QSOX2: variants seen among roughly 807,000 people sequenced by gnomAD.
QSOX2 encodes the protein quiescin sulfhydryl oxidase 2.
QSOX2 carries 46 observed loss-of-function variants against 61.7 expected under a neutral mutation model. That is an observed-to-expected ratio of 0.75 (90% CI 0.59 to 0.95). The LOEUF (loss-of-function observed/expected upper bound fraction) is 0.95. Among genes scored for constraint, QSOX2 ranks in the 40% least tolerant of loss-of-function variants. The pLI, the probability that QSOX2 is intolerant of heterozygous loss-of-function variation, is 0.00. For synonymous variants in QSOX2, 383 were observed against 388.4 expected (o/e 0.99, Z 0.16); for missense variants, 879 against 918.9 (o/e 0.96, Z 0.56).
rs1216822221 is a variant in QSOX2, at chr9:136,209,134, C to A, written c.1691G>T (p.Arg564Leu). The A allele has an allele frequency of 6.8e-6, 11 of 1,614,166 alleles. 1 individual carries two copies. The highest frequency in any genetic ancestry group is 3.3e-5 in the Admixed American group (2 of 60,028). The change falls in exon 12 of 12, where the codon CGC becomes CTC. Residue 564 changes from arginine (R) to leucine (L), a missense_variant. Physicochemically the swap from Arg to Leu is moderately radical, Grantham distance 102. Coordinates refer to ENST00000358701, the MANE Select transcript of QSOX2 (RefSeq NM_181701.4). The surrounding 1 kb of genome is among the most constrained non-coding windows in gnomAD (Gnocchi z 5.6). ...VLTFLKQHYGRDNLLDTYSAD... is the reference protein window; with the variant it reads ...VLTFLKQHYGLDNLLDTYSAD... The stretch of plus-strand genomic sequence containing the variant: ...GGAATACGTGTCTAAGAGGTTGTCG[C>A]GGCCATAGTGCTGCTTCAAGAATGT...
chr9:136,222,192 C>T lies in QSOX2; in HGVS notation c.676-251G>A, dbSNP rs997236323. ...ACTCATCAAAGAAAACACTTATCCG[C>T]GAATTTGCACTTGACTTTCTAAAAC... On this transcript the variant is annotated intron_variant, in intron 5 of 11. Coordinates refer to ENST00000358701, the MANE Select transcript of QSOX2 (RefSeq NM_181701.4). The surrounding 1 kb of genome is among the most constrained non-coding windows in gnomAD (Gnocchi z 6.9). Among the ~76,000 whole-genome samples the T allele has an allele frequency of 2.2e-4, 33 of 152,324 alleles. 1 individual carries two copies. Among genetic ancestry groups the T allele is most frequent in the Admixed American group, 1.8e-3 (27 of 15,290 alleles).
rs184355647 is a variant in QSOX2 at position 136,227,391 on chromosome 9, G to C, written c.329-517C>G. Among the ~76,000 whole-genome samples, 231 of 152,314 alleles carry C rather than the reference G, an allele frequency of 1.5e-3. 2 individuals carry two copies. Among genetic ancestry groups the C allele is most frequent in the African/African-American group, 5.3e-3 (219 of 41,576 alleles). ...TGAAGTGGTTTCCAACACCATCCCA[G>C]ACACTGCCCGCAAACCCTGGAACAC... is the stretch of plus-strand genomic sequence containing the variant. On this transcript the variant is annotated intron_variant, in intron 1 of 11. Coordinates refer to ENST00000358701, the MANE Select transcript of QSOX2 (RefSeq NM_181701.4).
chr9:136,245,203 T>C (rs1435372571), intron 1 of QSOX2, among the ~76,000 whole-genome samples: 3 of 151,950 alleles, frequency 2.0e-5, no homozygotes, highest in African/African-American at 7.3e-5. Flanking sequence ...TGCGGGAGAA[T>C]GGTTTCATTT....
chr9:136,223,846 C>T lies in QSOX2; in HGVS notation c.592G>A (p.Asp198Asn). 1 of 1,614,046 alleles carries T rather than the reference C, an allele frequency of 6.2e-7. No individual in the cohort carries two copies. Residue 198 changes from aspartate to asparagine, a missense_variant, in exon 5 of 12, where the codon GAT becomes AAT. By Grantham distance (23) the Asp-to-Asn change is conservative (BLOSUM62 1). Coordinates refer to ENST00000358701, the MANE Select transcript of QSOX2 (RefSeq NM_181701.4). This position sits in a 1 kb window ranked among gnomAD's most constrained non-coding sequence, Gnocchi z 4.4. ...CGGTTGTCAAGAAGGGAAAGAACAT[C>T]ACTGGGCCTTTCAAGAGGAAAAAAA... ...CPRLDPIQPSDVLSLLDNRGS... is the reference protein window; with the variant it reads ...CPRLDPIQPSNVLSLLDNRGS...
At position 136,208,291 on chromosome 9, in the gene QSOX2, T is replaced by TGGAGGGTACAGGGAGGGCCAAGGTGGG. The variant is rs71384066; in HGVS notation, c.*436_*437insCCCACCTTGGCCCTCCCTGTACCCTCC. The TGGAGGGTACAGGGAGGGCCAAGGTGGG allele has an allele frequency of 1.5e-5, 1 of 67,840 alleles. No homozygotes were observed. Among genetic ancestry groups the TGGAGGGTACAGGGAGGGCCAAGGTGGG allele is most frequent in the Non-Finnish European group, 2.8e-5 (1 of 35,766 alleles). The allele number at this position is 67,840 out of a possible 1,614,324, so 4.2% of individuals were successfully genotyped here. ...GCGGGGGGAGGGGGAGCGAGGGGAG[T>TGGAGGGTACAGGGAGGGCCAAGGTGGG]GGGGGGGAGCCAGGAGCCGCGGGGG... is the stretch of plus-strand genomic sequence containing the variant. On this transcript the variant is annotated 3_prime_UTR_variant, in exon 12 of 12. Transcript: ENST00000358701.
At chr9:136,232,529 T>C (rs1830340666) in intron 1 of QSOX2, among the ~76,000 whole-genome samples, 1 of 152,128 alleles carries the variant, frequency 6.6e-6, no homozygotes, top group Admixed American at 6.5e-5. Context: ...TACCACAAAA[T>C]ATATACAAAT....
intron 1 of QSOX2, among the ~76,000 whole-genome samples, chr9:136,244,158 A>G (rs1830452727): frequency 6.6e-6 from 1 of 152,220 alleles, no homozygotes; most frequent in Admixed American, 6.5e-5. Flanking sequence ...ACTGAATAAC[A>G]CACAAGAACT....
At position 136,208,629 on chromosome 9, in the gene QSOX2, G is replaced by A. The variant is rs1337983676; in HGVS notation, c.*99C>T. 1.1e-4 allele frequency: 155 copies of A among 1,407,026 alleles called. No homozygotes were observed. The highest frequency in any genetic ancestry group is 1.4e-4 in the Non-Finnish European group (152 of 1,056,682). 87.2% of individuals were successfully genotyped at this position (1,407,026 alleles called of 1,614,324 possible). ...ATCCGATGTGAAACCAGGCCCGCAT[G>A]TTTATAAAATCCCTGATCATAAATA... On this transcript the variant is annotated 3_prime_UTR_variant, in exon 12 of 12. Transcript: ENST00000358701.
At chr9:136,210,461 G>A in intron 11 of QSOX2, 17 of 985,414 alleles carry the variant, frequency 1.7e-5, no homozygotes, top group Non-Finnish European at 2.0e-5. Context: ...CTGCCTCAGA[G>A]CCGAGGGCTC....
chr9:136,212,816 G>A (rs1164261502), intron 10 of QSOX2, among the ~76,000 whole-genome samples: 2 of 152,228 alleles, frequency 1.3e-5, no homozygotes, highest in Non-Finnish European at 2.9e-5. Flanking sequence ...TTACTAGATA[G>A]GGCTTAAACA....
Position 136,221,882 on chromosome 9 carries a change from G to C in QSOX2, c.735C>G (p.Asp245Glu). Residue 245 changes from aspartate to glutamate, a missense_variant, in exon 6 of 12, where the codon GAC (aspartate) becomes GAG (glutamate). Transcript: ENST00000358701. The surrounding 1 kb of genome is among the most constrained non-coding windows in gnomAD (Gnocchi z 4.5). ...CACCAAGTTTCTCCAGAAATGCTTT[G>C]TCCCCGTCCAGTGCTCGGGTCACCA... is the stretch of plus-strand genomic sequence containing the variant. Reference protein sequence around the residue: ...SIVVTRALDGDKAFLEKLGVS... With the variant: ...SIVVTRALDGEKAFLEKLGVS... 6.2e-7 allele frequency: 1 copy of C among 1,612,664 alleles called. No individual in the cohort carries two copies. The highest frequency in any genetic ancestry group is 8.5e-7 in the Non-Finnish European group (1 of 1,179,378).
chr9:136,237,700 C>G (rs1830399861), intron 1 of QSOX2, among the ~76,000 whole-genome samples: 2 of 149,892 alleles, frequency 1.3e-5, no homozygotes, highest in Admixed American at 6.6e-5. Context: ...CTGTGCCACA[C>G]CTGGAGCCTG....
intron 1 of QSOX2, among the ~76,000 whole-genome samples, chr9:136,233,111 G>A (rs920595760): frequency 1.3e-5 from 2 of 152,046 alleles, no homozygotes; most frequent in African/African-American, 4.8e-5. Context: ...TTGTGCACAC[G>A]CTGCCGGGTG....
chr9:136,220,058 A>G (rs1831962767), intron 6 of QSOX2, among the ~76,000 whole-genome samples: 1 of 152,062 alleles, frequency 6.6e-6, no homozygotes, highest in African/African-American at 2.4e-5. Context: ...TTGAGACAGG[A>G]TCTTTCTCTG....
In QSOX2 at chr9:136,208,573, TAA is replaced by T; in HGVS notation, c.*153_*154del. The stretch of plus-strand genomic sequence containing the variant: ...TCTTCCCTTGTTAGAAGAGCGTTTG[TAA>T]AACCAGGACTTTGAAGCCAAAAGGT... On this transcript the variant is annotated 3_prime_UTR_variant, in exon 12 of 12. Coordinates refer to ENST00000358701, the MANE Select transcript of QSOX2 (RefSeq NM_181701.4). 1 of 840,146 alleles carries T rather than the reference TAA, an allele frequency of 1.2e-6. No individual in the cohort carries two copies. Among genetic ancestry groups the T allele is most frequent in the Non-Finnish European group, 1.8e-6 (1 of 570,098 alleles). The allele number at this position is 840,146 out of a possible 1,614,324, so 52.0% of individuals were successfully genotyped here. A position where few individuals can be genotyped will look rare whatever the true frequency, so the allele number is the denominator to read the frequency against.
rs781976600 is a variant in QSOX2 at position 136,245,595 on chromosome 9, C to G, written c.209G>C (p.Ser70Thr). The change falls in exon 1 of 12, where the codon AGC (serine) becomes ACC (threonine). Residue 70 changes from serine (S) to threonine (T), a missense_variant. Transcript: ENST00000358701. ...GCTGTTGGCGGTGGCCCCGCGCACG[C>G]TGCCGCTGTCCAGCACCCACACGGC... ...EDAVWVLDSGSVRGATANSSA... is the reference protein window; with the variant it reads ...EDAVWVLDSGTVRGATANSSA... The G allele has an allele frequency of 3.2e-6, 5 of 1,574,116 alleles. No individual in the cohort carries two copies. The highest frequency in any genetic ancestry group is 4.3e-6 in the Non-Finnish European group (5 of 1,169,768).
rs1830468609 is a variant in QSOX2 at position 136,245,681 on chromosome 9, C to CGCT, written c.120_122dup (p.Ala44dup). On this transcript the variant is annotated inframe_insertion, in exon 1 of 12. Coordinates refer to ENST00000358701, the MANE Select transcript of QSOX2 (RefSeq NM_181701.4). ...CCGCGCCCGGCCCCACCGCCGCCGC[C>CGCT]GCTAGCAGCACTAGCAGCCGCGGCA... 2 of 1,200,994 alleles carry CGCT rather than the reference C, an allele frequency of 1.7e-6. No individual in the cohort carries two copies. Among genetic ancestry groups the CGCT allele is most frequent in the African/African-American group, 1.6e-5 (1 of 62,128 alleles). 74.4% of individuals were successfully genotyped at this position (1,200,994 alleles called of 1,614,324 possible).
chr9:136,230,066 G>A lies in QSOX2; in HGVS notation c.329-3192C>T, dbSNP rs1183536662. Among the ~76,000 whole-genome samples the A allele has an allele frequency of 2.0e-5, 3 of 152,170 alleles. No homozygotes were observed. In the East Asian group the frequency reaches 5.8e-4, roughly 29 times the overall value. On this transcript the variant is annotated intron_variant, in intron 1 of 11. Coordinates refer to ENST00000358701, the MANE Select transcript of QSOX2 (RefSeq NM_181701.4). ...GAGGTCAAGGCAGGCAGATCACGAG[G>A]TCAAGAGATAGAGACCATCCTGGCC...
rs1831772307 is a variant in QSOX2 at position 136,206,956 on chromosome 9, G to C, written c.*1772C>G. The C allele has an allele frequency of 6.6e-6, 1 of 152,372 alleles. No homozygotes were observed. Among genetic ancestry groups the C allele is most frequent in the Non-Finnish European group, 1.5e-5 (1 of 68,036 alleles). 9.4% of individuals were successfully genotyped at this position (152,372 alleles called of 1,614,324 possible). A position where few individuals can be genotyped will look rare whatever the true frequency, so the allele number is the denominator to read the frequency against. On this transcript the variant is annotated 3_prime_UTR_variant, in exon 12 of 12. Transcript: ENST00000358701. ...GTAAACCTGCCTGGTTTTCAAACTGGAAGAGAAACACTTTGGTGTCTTCAA... is the reference window on the plus strand; with the variant it reads ...GTAAACCTGCCTGGTTTTCAAACTGCAAGAGAAACACTTTGGTGTCTTCAA...
Sources: gnomAD v4.1 joint callset for allele counts (sites outside exome capture counted in the v4.1 genomes callset) on GRCh38, gnomAD v4.1.1 for gene constraint, Gnocchi (gnomAD v3.1) non-coding constraint, MANE v1.5 for transcripts, NCBI Gene and HGNC (gene_info 2026-07-23, HGNC 2026-07-21) for gene names.